Variants in EPHA5 observed in about 807,000 individuals in gnomAD.
EPHA5 encodes EPH receptor A5.
EPHA5 carries 60 observed loss-of-function variants against 105.0 expected under a neutral mutation model. The observed-to-expected ratio is 0.57, with a 90% CI of 0.46 to 0.71. The LOEUF is 0.71. Ranked by LOEUF, EPHA5 falls within the 30% of genes least tolerant of loss-of-function variation. The pLI, the probability that EPHA5 is intolerant of heterozygous loss-of-function variation, is 0.00. For missense variants in EPHA5, 1,218 were observed against 1,274.7 expected (o/e 0.96, Z 0.68); for synonymous variants, 513 against 449.1 (o/e 1.14, Z -1.80).
intron 1 of EPHA5, among the ~76,000 whole-genome samples, chr4:65,648,180 T>C (rs1205222043): frequency 6.6e-6 from 1 of 152,202 alleles, no homozygotes; most frequent in African/African-American, 2.4e-5. Context: ...GATTCCTAAA[T>C]CCTCAACTTC....
intron 5 of EPHA5, among the ~76,000 whole-genome samples, chr4:65,473,609 G>T (rs1176643569): frequency 2.0e-5 from 3 of 152,050 alleles, no homozygotes; most frequent in Non-Finnish European, 4.4e-5. Context: ...AACAACATGG[G>T]GGAAACTGGC....
At chr4:65,446,225 G>A (rs1158138643) in intron 5 of EPHA5, among the ~76,000 whole-genome samples, 1 of 151,968 alleles carries the variant, frequency 6.6e-6, no homozygotes, top group East Asian at 1.9e-4. Flanking sequence ...TTAAAACTTG[G>A]TATTATCTTT....
chr4:65,462,542 C>T (rs1380180673), intron 5 of EPHA5, among the ~76,000 whole-genome samples: 4 of 152,140 alleles, frequency 2.6e-5, no homozygotes, highest in African/African-American at 9.7e-5. Context: ...CCAAGATAGC[C>T]TCCTTCAGGA....
At chr4:65,562,637 C>T (rs1335509521) in intron 3 of EPHA5, among the ~76,000 whole-genome samples, 1 of 151,884 alleles carries the variant, frequency 6.6e-6, no homozygotes, top group African/African-American at 2.4e-5. Context: ...AGACGCATAC[C>T]AAGACATTCT....
Position 65,551,701 on chromosome 4 carries a change from G to A in EPHA5, c.910+49940C>T, listed in dbSNP as rs547236784. Among the ~76,000 whole-genome samples, 34 of 152,126 alleles carry A rather than the reference G, an allele frequency of 2.2e-4. 1 individual carries two copies. The South Asian group carries it at 6.2e-3, about 28-fold the overall frequency. On this transcript the variant is annotated intron_variant, in intron 3 of 16. Transcript: ENST00000613740. ...TGTAACATTTTTATTGCATAACAGT[G>A]TCAATTTTCAAACTAAATATCTAAA... is the stretch of plus-strand genomic sequence containing the variant.
intron 3 of EPHA5, among the ~76,000 whole-genome samples, chr4:65,505,489 A>G (rs1346557649): frequency 6.6e-6 from 1 of 152,122 alleles, no homozygotes; most frequent in Non-Finnish European, 1.5e-5. Flanking sequence ...ATTGAATTAA[A>G]TTAAATTAAA....
rs180701849 is a variant in EPHA5, at chr4:65,488,617, A to C, written c.1402+1760T>G. Among the ~76,000 whole-genome samples, 3 of 152,316 alleles carry C rather than the reference A, an allele frequency of 2.0e-5. No homozygotes were observed. The East Asian group carries it at 5.8e-4, about 29-fold the overall frequency. On this transcript the variant is annotated intron_variant, in intron 5 of 16. Coordinates refer to ENST00000613740, the MANE Select transcript of EPHA5 (RefSeq NM_001281766.3). The stretch of plus-strand genomic sequence containing the variant: ...CGCTATTCCTGTCCAGCTCTTTAGC[A>C]CTTCTATTAGTTTCACCTTAGGTTA...
chr4:65,419,691 G>GCC (rs1258210921), intron 6 of EPHA5, among the ~76,000 whole-genome samples: 2 of 152,072 alleles, frequency 1.3e-5, no homozygotes, highest in Admixed American at 1.3e-4. Context: ...GTAGTAGGAA[G>GCC]ACTCATGGTG....
At chr4:65,448,241 G>A (rs973516295) in intron 5 of EPHA5, among the ~76,000 whole-genome samples, 1 of 149,634 alleles carries the variant, frequency 6.7e-6, no homozygotes, top group Non-Finnish European at 1.5e-5. Context: ...TATAAAAAAA[G>A]CAAAGAATAG....
intron 5 of EPHA5, among the ~76,000 whole-genome samples, chr4:65,478,093 G>A (rs1380212565): frequency 6.6e-6 from 1 of 152,148 alleles, no homozygotes; most frequent in Admixed American, 6.6e-5. Flanking sequence ...TTTCCAAACA[G>A]CAAACGCACA....
intron 3 of EPHA5, among the ~76,000 whole-genome samples, chr4:65,515,921 A>G (rs535809757): frequency 1.3e-5 from 2 of 152,266 alleles, no homozygotes; most frequent in South Asian, 2.1e-4. Flanking sequence ...CTCTTCTTGA[A>G]CTAGGACATC....
At chr4:65,568,771 T>C (rs1324484676) in intron 3 of EPHA5, among the ~76,000 whole-genome samples, 1 of 151,048 alleles carries the variant, frequency 6.6e-6, no homozygotes, top group Admixed American at 6.6e-5. Context: ...CAGAAACAGT[T>C]TCTTACAAAT....
chr4:65,534,724 A>T (rs1214358486), intron 3 of EPHA5, among the ~76,000 whole-genome samples: 1 of 152,218 alleles, frequency 6.6e-6, no homozygotes, highest in Non-Finnish European at 1.5e-5. Flanking sequence ...AGAAGTATGG[A>T]TCTCATTATG....
intron 1 of EPHA5, among the ~76,000 whole-genome samples, chr4:65,659,047 T>G (rs1016465145): frequency 2.0e-5 from 3 of 151,990 alleles, no homozygotes; most frequent in African/African-American, 7.2e-5. Flanking sequence ...GGACAGGAGA[T>G]GAAAGGTGAG....
chr4:65,394,461 C>A (rs546491205), intron 8 of EPHA5, among the ~76,000 whole-genome samples: 1 of 152,100 alleles, frequency 6.6e-6, no homozygotes, highest in Non-Finnish European at 1.5e-5. Flanking sequence ...AAAAAAGTCA[C>A]AGATAAAAAT....
Position 65,365,000 on chromosome 4 carries a change from T to C in EPHA5, c.2173+17A>G. On this transcript the variant is annotated intron_variant, in intron 11 of 16. Transcript: ENST00000613740. ...TGAGGATATGCACACACATGTATAA[T>C]TTGCCATCATACTTACTTTTGGTCA... is the stretch of plus-strand genomic sequence containing the variant. 2 of 1,607,194 alleles carry C rather than the reference T, an allele frequency of 1.2e-6. No individual in the cohort carries two copies. The highest frequency in any genetic ancestry group is 1.7e-6 in the Non-Finnish European group (2 of 1,175,134).
intron 1 of EPHA5, among the ~76,000 whole-genome samples, chr4:65,656,486 T>C (rs1210664132): frequency 6.6e-6 from 1 of 150,704 alleles, no homozygotes; most frequent in African/African-American, 2.4e-5. Flanking sequence ...TGTTTTCTTG[T>C]GCATATATTT....
At chr4:65,423,840 G>A (rs1334538474) in intron 5 of EPHA5, among the ~76,000 whole-genome samples, 1 of 151,806 alleles carries the variant, frequency 6.6e-6, no homozygotes, top group Non-Finnish European at 1.5e-5. Flanking sequence ...TGTTGAGTGT[G>A]TTTCTTGCCA....
At chr4:65,448,388 C>T (rs2149101378) in intron 5 of EPHA5, among the ~76,000 whole-genome samples, 1 of 152,188 alleles carries the variant, frequency 6.6e-6, no homozygotes, top group East Asian at 1.9e-4. Context: ...TGGCTCATGC[C>T]TGTAATCCCA....
Sources: gnomAD v4.1 joint callset for allele counts (sites outside exome capture counted in the v4.1 genomes callset) on GRCh38, gnomAD v4.1.1 for gene constraint, MANE v1.5 for transcripts, NCBI Gene and HGNC (gene_info 2026-07-23, HGNC 2026-07-21) for gene names.